Variants in NAV3 observed in about 807,000 individuals in gnomAD.
The protein encoded by NAV3 is pore membrane and/or filament interacting like protein 1.
NAV3 carries 87 observed loss-of-function variants against 244.7 expected under a neutral mutation model. The observed-to-expected ratio is 0.36, with a 90% CI of 0.30 to 0.42. The LOEUF (loss-of-function observed/expected upper bound fraction) is 0.42, where lower values mean the gene tolerates loss of function less well. Among genes scored for constraint, NAV3 ranks in the 20% least tolerant of loss-of-function variants. NAV3 has a pLI of 1.00. For synonymous variants in NAV3, 1,126 were observed against 1,042.2 expected (o/e 1.08, Z -1.55); for missense variants, 2,663 against 2,893.3 (o/e 0.92, Z 1.83).
intron 28 of NAV3, chr12:78,179,315 GA>G (rs1301423641): frequency 3.1e-5 from 14 of 456,242 alleles, no homozygotes; most frequent in Admixed American, 8.3e-5. Flanking sequence ...TTAAAAAATA[GA>G]AAAAAAGATT....
At chr12:77,753,197 C>A (rs1868949328) in intron 2 of NAV3, among the ~76,000 whole-genome samples, 1 of 152,138 alleles carries the variant, frequency 6.6e-6, no homozygotes, top group Non-Finnish European at 1.5e-5. Flanking sequence ...ACTTTACCTG[C>A]CAAATCAATC....
intron 2 of NAV3, among the ~76,000 whole-genome samples, chr12:77,782,968 G>A (rs1367494278): frequency 6.6e-6 from 1 of 152,164 alleles, no homozygotes; most frequent in African/African-American, 2.4e-5. Context: ...GGCGTGAGGT[G>A]AAGGTGGGAG....
At chr12:77,968,754 C>A (rs755076953) in intron 5 of NAV3, 52 bp downstream of exon 5, 2 of 1,543,826 alleles carry the variant, frequency 1.3e-6, no homozygotes, top group Non-Finnish European at 1.8e-6. Context: ...GTAGATACAA[C>A]TTGTTTTTAA....
At position 77,951,397 on chromosome 12, in the gene NAV3, G is replaced by A. The variant is rs561624545; in HGVS notation, c.414+10264G>A. Among the ~76,000 whole-genome samples the A allele has an allele frequency of 1.1e-4, 16 of 152,168 alleles. No homozygotes were observed. The South Asian group carries it at 2.7e-3, about 26-fold the overall frequency. ...ACCATCTCACACCAGTTAGAATGGC[G>A]ATCATTAAAAAGTCAGGAAACAGCA... On this transcript the variant is annotated intron_variant, in intron 3 of 39. Coordinates refer to ENST00000397909, the MANE Select transcript of NAV3 (RefSeq NM_001024383.2).
chr12:78,201,074 T>C (rs1242011235), intron 38 of NAV3, among the ~76,000 whole-genome samples: 3 of 45,358 alleles, frequency 6.6e-5, no homozygotes, highest in Non-Finnish European at 2.6e-4. Flanking sequence ...TTCTCCTTCT[T>C]TTTTTTTTTT....
rs866234987 is a variant in NAV3 at position 78,118,255 on chromosome 12, C to G, written c.2998C>G (p.Pro1000Ala). The G allele has an allele frequency of 6.2e-7, 1 of 1,611,902 alleles. No individual in the cohort carries two copies. Among genetic ancestry groups the G allele is most frequent in the Non-Finnish European group, 8.5e-7 (1 of 1,178,392 alleles). ...RRGMSAQGGA[P>A]SRQKAGTSAL... is the part of the protein sequence containing the mutation. ...AGGCATGTCTGCCCAAGGAGGGGCG[C>G]CATCTAGGCAGAAAGCTGGAACAAG... Residue 1000 changes from proline (P) to alanine (A), a missense_variant, in exon 14 of 40, where the codon CCA becomes GCA. Physicochemically the swap from Pro to Ala is conservative, Grantham distance 27. Transcript: ENST00000397909.
At chr12:77,692,542 T>C (rs1716246) in intron 2 of NAV3, among the ~76,000 whole-genome samples, 139,374 of 152,096 alleles carry the variant, frequency 0.92, 64,051 homozygotes, top group East Asian at 1. Flanking sequence ...TAAACCTCGC[T>C]CTATGCACTA....
chr12:78,077,665 C>T (rs1953119953), intron 12 of NAV3, among the ~76,000 whole-genome samples: 1 of 152,168 alleles, frequency 6.6e-6, no homozygotes, highest in Non-Finnish European at 1.5e-5. Context: ...TGTCCAGGCA[C>T]AGTGGCTCAT....
In NAV3 at chr12:77,901,541, C is replaced by T. The variant is rs189449999; in HGVS notation, c.244-38778C>T. On this transcript the variant is annotated intron_variant, in intron 1 of 39. Transcript: ENST00000397909. Reference sequence around the variant, plus strand: ...CCTGGCCAACATGGTGAAACCCCATCGCTACTAAAAATACAAAAATTAACC... The same window carrying T: ...CCTGGCCAACATGGTGAAACCCCATTGCTACTAAAAATACAAAAATTAACC... Among the ~76,000 whole-genome samples the T allele has an allele frequency of 2.2e-4, 33 of 152,024 alleles. No homozygotes were observed. The East Asian group carries it at 4.5e-3, about 21-fold the overall frequency.
intron 1 of NAV3, among the ~76,000 whole-genome samples, chr12:77,873,773 T>TATATATATATATATATATATATATATAA (rs762527287): frequency 1.6e-5 from 2 of 128,624 alleles, no homozygotes; most frequent in African/African-American, 5.8e-5. Context: ...TATATGTATA[T>TATATATATATATATATATATATATATAA]AACAGCATAT....
chr12:78,030,314 G>C (rs1878762339), intron 9 of NAV3, among the ~76,000 whole-genome samples: 1 of 152,094 alleles, frequency 6.6e-6, no homozygotes, highest in Non-Finnish European at 1.5e-5. Context: ...TCATCTTTCT[G>C]AGTTCTGGAT....
intron 9 of NAV3, chr12:78,036,852 A>C (rs1879967375): frequency 3.0e-6 from 2 of 675,792 alleles, no homozygotes; most frequent in Admixed American, 4.4e-5. Flanking sequence ...GGAAGGAGCC[A>C]CTGGAAGAAT....
At chr12:77,921,417 T>C (rs940457923) in intron 1 of NAV3, among the ~76,000 whole-genome samples, 1 of 152,052 alleles carries the variant, frequency 6.6e-6, no homozygotes, top group African/African-American at 2.4e-5. Context: ...ACCATTCACT[T>C]AAAAATCCTG....
intron 1 of NAV3, among the ~76,000 whole-genome samples, chr12:77,911,723 T>A (rs539996324): frequency 1.3e-5 from 2 of 152,112 alleles, no homozygotes; most frequent in Non-Finnish European, 2.9e-5. Flanking sequence ...TTATTTATAG[T>A]ACCCTATGTG....
chr12:77,995,019 G>C, intron 6 of NAV3, 148 bp downstream of exon 6: 1 of 569,016 alleles, frequency 1.8e-6, no homozygotes, highest in Non-Finnish European at 3.1e-6. Flanking sequence ...TTCACACATA[G>C]CCTCAGGGAT....
At chr12:77,737,636 T>C (rs1034264824) in intron 2 of NAV3, among the ~76,000 whole-genome samples, 3 of 152,136 alleles carry the variant, frequency 2.0e-5, no homozygotes, top group Non-Finnish European at 4.4e-5. Context: ...ATGTAATATT[T>C]AGATGGCAGC....
intron 1 of NAV3, among the ~76,000 whole-genome samples, chr12:77,939,903 C>A (rs1215309140): frequency 6.6e-6 from 1 of 152,128 alleles, no homozygotes; most frequent in Non-Finnish European, 1.5e-5. Context: ...CAATAGTGTT[C>A]TCAGAGAAAC....
Position 78,180,908 on chromosome 12 carries a change from T to C in NAV3, c.5555T>C (p.Leu1852Ser). ...IEILKAENDR[L>S]KAETGNTAKP... is the part of the protein sequence containing the mutation. ...ATACTGAAAGCTGAAAATGACCGGT[T>C]GAAGGCAGAAACTGGTAACACAGCT... is the stretch of plus-strand genomic sequence containing the variant. The change falls in exon 30 of 40, where the codon TTG becomes TCG. Residue 1852 changes from leucine to serine, a missense_variant. Leu to Ser is a moderately radical substitution (Grantham distance 145, BLOSUM62 -2). Transcript: ENST00000397909. The C allele has an allele frequency of 6.2e-7, 1 of 1,612,916 alleles. No individual in the cohort carries two copies. Among genetic ancestry groups the C allele is most frequent in the Non-Finnish European group, 8.5e-7 (1 of 1,179,352 alleles).
At chr12:77,590,939 T>C (rs1415718322) in intron 2 of NAV3, among the ~76,000 whole-genome samples, 1 of 152,106 alleles carries the variant, frequency 6.6e-6, no homozygotes, top group African/African-American at 2.4e-5. Context: ...ATAACAAAGG[T>C]GATAAACCAT....
Sources: allele counts gnomAD v4.1 joint callset (sites outside exome capture counted in the v4.1 genomes callset), GRCh38; gene constraint gnomAD v4.1.1; transcripts MANE v1.5; gene names NCBI Gene and HGNC (gene_info 2026-07-23, HGNC 2026-07-21).